Variants in CCSAP observed in about 807,000 individuals in gnomAD.
CCSAP encodes centriole, cilia and spindle associated protein.
In CCSAP, 17 loss-of-function variants were observed where a neutral mutation model predicts 25.9. The observed-to-expected ratio is 0.66, with a 90% CI of 0.45 to 0.99. CCSAP has a LOEUF of 0.99. Among genes scored for constraint, CCSAP ranks in the 50% least tolerant of loss-of-function variants. The pLI is 0.00. For synonymous variants in CCSAP, 169 were observed against 157.1 expected, an observed-to-expected ratio of 1.08 and a Z score of -0.57; for missense variants, 339 against 367.8, an observed-to-expected ratio of 0.92 and a Z score of 0.64.
At chr1:229,330,843 A>C (rs1571852350) in intron 2 of CCSAP, among the ~76,000 whole-genome samples, 1 of 151,912 alleles carries the variant, frequency 6.6e-6, no homozygotes, top group African/African-American at 2.4e-5. Context: ...TAAAAAAAAA[A>C]AAAAAAAAGA....
Position 229,328,480 on chromosome 1 carries a change from T to A in CCSAP, c.368-1474A>T, listed in dbSNP as rs201686217. ...CATGCCCAGGCAATTTACAAAAAAA[T>A]TTTTTTTGTAGAGATGGGTTCTTGC... On this transcript the variant is annotated intron_variant, in intron 2 of 3. Coordinates refer to ENST00000284617, the MANE Select transcript of CCSAP (RefSeq NM_145257.5). Among the ~76,000 whole-genome samples, 8 of 19,812 alleles carry A rather than the reference T, an allele frequency of 4.0e-4. No individual in the cohort carries two copies. The South Asian group carries it at 4.4e-3, about 11-fold the overall frequency. 13.0% of individuals were successfully genotyped at this position (19,812 alleles called of 152,430 possible).
At chr1:229,325,674 A>C (rs933083479) in intron 3 of CCSAP, among the ~76,000 whole-genome samples, 1 of 152,244 alleles carries the variant, frequency 6.6e-6, no homozygotes, top group Non-Finnish European at 1.5e-5. Context: ...TAAGCAACTA[A>C]TTTGCATGTG....
intron 2 of CCSAP, among the ~76,000 whole-genome samples, chr1:229,341,412 C>T (rs554191675): frequency 1.3e-5 from 2 of 152,316 alleles, no homozygotes; most frequent in Admixed American, 6.5e-5. Context: ...GGGTCCCCAG[C>T]CCTGCAAGCC....
In CCSAP at chr1:229,322,531, A is replaced by G. The variant is rs902838079; in HGVS notation, c.*2704T>C. On this transcript the variant is annotated 3_prime_UTR_variant, in exon 4 of 4. Coordinates refer to ENST00000284617, the MANE Select transcript of CCSAP (RefSeq NM_145257.5). ...TTTCCAAGTAAATAGAATATTAACT[A>G]TAACTACTAACTATAATCTTTTAAA... The G allele has an allele frequency of 1.2e-4, 19 of 152,232 alleles. No individual in the cohort carries two copies. The highest frequency in any genetic ancestry group is 4.6e-4 in the African/African-American group (19 of 41,462). The allele number at this position is 152,232 out of a possible 1,614,324, so 9.4% of individuals were successfully genotyped here. A position where few individuals can be genotyped will look rare whatever the true frequency, so the allele number is the denominator to read the frequency against.
chr1:229,339,110 CAG>C (rs977610900), intron 2 of CCSAP, among the ~76,000 whole-genome samples: 2 of 126,898 alleles, frequency 1.6e-5, no homozygotes, highest in Non-Finnish European at 3.4e-5. Context: ...AAAAAAAAAA[CAG>C]AAATAAGAAA....
intron 2 of CCSAP, among the ~76,000 whole-genome samples, chr1:229,327,799 G>A (rs1473315882): frequency 4.0e-5 from 6 of 151,502 alleles, no homozygotes; most frequent in Non-Finnish European, 1.5e-5. Context: ...AACCTGGGAG[G>A]TGGAGGTTGC....
chr1:229,341,378 C>G (rs1658329397), intron 2 of CCSAP, among the ~76,000 whole-genome samples: 1 of 152,154 alleles, frequency 6.6e-6, no homozygotes, highest in African/African-American at 2.4e-5. Context: ...TTGGTTACTC[C>G]AGGCTGTACT....
rs767098386 is a variant in CCSAP at position 229,326,850 on chromosome 1, C to T, written c.524G>A (p.Ser175Asn). The stretch of plus-strand genomic sequence containing the variant: ...TGGATGCTTGTTTTCTTTTATTTTA[C>T]TCGATGATCTTTGGGGACTTTTGAC... ...KAVKSPQRSS[S>N]KIKENKHPFA... Residue 175 changes from serine (S) to asparagine (N), a missense_variant, in exon 3 of 4, where the codon AGT (serine) becomes AAT (asparagine). Physicochemically the swap from Ser to Asn is conservative, Grantham distance 46. Coordinates refer to ENST00000284617, the MANE Select transcript of CCSAP (RefSeq NM_145257.5). 6 of 1,614,090 alleles carry T rather than the reference C, an allele frequency of 3.7e-6. No homozygotes were observed. Among genetic ancestry groups the T allele is most frequent in the South Asian group, 1.1e-5 (1 of 91,090 alleles).
chr1:229,330,409 C>G (rs1456511153), intron 2 of CCSAP, among the ~76,000 whole-genome samples: 1 of 152,118 alleles, frequency 6.6e-6, no homozygotes, highest in Non-Finnish European at 1.5e-5. Flanking sequence ...AGCCGGAAGA[C>G]AGGAGGTGCA....
In CCSAP at chr1:229,325,392, C is replaced by A; in HGVS notation, c.656G>T (p.Arg219Leu). ...TTCCACCTGTCTTCTGTTCTTGGCTCGTAATGCTGATTCATGAATCTAAAG... is the reference window on the plus strand; with the variant it reads ...TTCCACCTGTCTTCTGTTCTTGGCTAGTAATGCTGATTCATGAATCTAAAG... Reference protein sequence around the residue: ...PVHEIHESALRAKNRRQVEKR... With the variant: ...PVHEIHESALLAKNRRQVEKR... Residue 219 changes from arginine (R) to leucine (L), a missense_variant, in exon 4 of 4, where the codon CGA becomes CTA. Physicochemically the swap from Arg to Leu is moderately radical, Grantham distance 102. Transcript: ENST00000284617. The A allele has an allele frequency of 2.5e-6, 4 of 1,613,132 alleles. No homozygotes were observed. Among genetic ancestry groups the A allele is most frequent in the Non-Finnish European group, 3.4e-6 (4 of 1,179,794 alleles).
In CCSAP at chr1:229,326,882, C is replaced by T. The variant is rs1411724690; in HGVS notation, c.492G>A (p.Arg164=). 1 of 1,614,058 alleles carries T rather than the reference C, an allele frequency of 6.2e-7. No homozygotes were observed. Among genetic ancestry groups the T allele is most frequent in the African/African-American group, 1.3e-5 (1 of 74,920 alleles). The change falls in exon 3 of 4, where the codon AGG becomes AGA. Residue 164 remains arginine (R), a synonymous_variant. Transcript: ENST00000284617. ...QPSALFARGN[R]KAVKSPQRSS... Reference sequence around the variant, plus strand: ...ATCTTTGGGGACTTTTGACCGCTTTCCTGTTTCCTCTAGCAAATAAGGCAC... The same window carrying T: ...ATCTTTGGGGACTTTTGACCGCTTTTCTGTTTCCTCTAGCAAATAAGGCAC...
At chr1:229,341,951 T>G (rs184631462) in intron 2 of CCSAP, 148 bp downstream of exon 2, 44 of 1,083,820 alleles carry the variant, frequency 4.1e-5, no homozygotes, top group South Asian at 3.4e-4. Flanking sequence ...TTCCCTATTT[T>G]GTCAAGAGAG....
intron 2 of CCSAP, among the ~76,000 whole-genome samples, chr1:229,334,591 A>T (rs1658152168): frequency 6.6e-6 from 1 of 152,154 alleles, no homozygotes; most frequent in African/African-American, 2.4e-5. Context: ...GTAAGGAAAA[A>T]ATAATAAATT....
Position 229,342,362 on chromosome 1 carries a change from A to G in CCSAP, c.104T>C (p.Leu35Pro). 6.6e-7 allele frequency: 1 copy of G among 1,510,444 alleles called. No homozygotes were observed. The allele number at this position is 1,510,444 out of a possible 1,614,324, so 93.6% of individuals were successfully genotyped here. A position where few individuals can be genotyped will look rare whatever the true frequency, so the allele number is the denominator to read the frequency against. ...PCYRELLHYR[L>P]GRRLLEQAHA... ...CGCCTGCTCCAGCAGCCGGCGGCCT[A>G]GGCGGTAGTGCAGCAGCTCGCGGTA... The change falls in exon 2 of 4, where the codon CTA (leucine) becomes CCA (proline). Residue 35 changes from leucine (L) to proline (P), a missense_variant. Coordinates refer to ENST00000284617, the MANE Select transcript of CCSAP (RefSeq NM_145257.5). This position sits in a 1 kb window ranked among gnomAD's most constrained non-coding sequence, Gnocchi z 7.5.
chr1:229,329,923 G>A (rs768339178), intron 2 of CCSAP, among the ~76,000 whole-genome samples: 4 of 152,084 alleles, frequency 2.6e-5, no homozygotes, highest in Non-Finnish European at 2.9e-5. Context: ...CCCAGGAGGC[G>A]GTGGTTGCAG....
chr1:229,340,442 C>A, intron 2 of CCSAP: 1 of 715,878 alleles, frequency 1.4e-6, no homozygotes, highest in Non-Finnish European at 2.6e-6. Flanking sequence ...CACAACGCTG[C>A]CTAAAAATTG....
At chr1:229,341,495 G>A (rs911992538) in intron 2 of CCSAP, among the ~76,000 whole-genome samples, 1 of 152,216 alleles carries the variant, frequency 6.6e-6, no homozygotes, top group Admixed American at 6.5e-5. Context: ...TTCGGATCTG[G>A]ACAGGCGAGG....
At chr1:229,338,455 C>T (rs1658252753) in intron 2 of CCSAP, among the ~76,000 whole-genome samples, 3 of 151,664 alleles carry the variant, frequency 2.0e-5, no homozygotes, top group Admixed American at 1.3e-4. Context: ...GAATCGGAGA[C>T]AGTCTAGACC....
At position 229,342,259 on chromosome 1, in the gene CCSAP, G is replaced by C; in HGVS notation, c.207C>G (p.Ala69=). 7.8e-7 allele frequency: 1 copy of C among 1,285,648 alleles called. No individual in the cohort carries two copies. The highest frequency in any genetic ancestry group is 2.5e-5 in the South Asian group (1 of 39,472). The allele number at this position is 1,285,648 out of a possible 1,614,324, so 79.6% of individuals were successfully genotyped here. A position where few individuals can be genotyped will look rare whatever the true frequency, so the allele number is the denominator to read the frequency against. Residue 69 remains alanine (A), a synonymous_variant, in exon 2 of 4, where the codon GCC becomes GCG. Transcript: ENST00000284617. This position sits in a 1 kb window ranked among gnomAD's most constrained non-coding sequence, Gnocchi z 7.5. ...EDSASSESSG[A]GGPAPRCAPP... Reference sequence around the variant, plus strand: ...GGGCGCACCGGGGTGCGGGGCCCCCGGCGCCCGACGACTCTGACGACGCCG... The same window carrying C: ...GGGCGCACCGGGGTGCGGGGCCCCCCGCGCCCGACGACTCTGACGACGCCG...
Sources: gnomAD v4.1 joint callset for allele counts (sites outside exome capture counted in the v4.1 genomes callset) on GRCh38, gnomAD v4.1.1 for gene constraint, Gnocchi (gnomAD v3.1) non-coding constraint, MANE v1.5 for transcripts, NCBI Gene and HGNC (gene_info 2026-07-23, HGNC 2026-07-21) for gene names.